Variants in PCDHA2 observed in about 807,000 individuals in gnomAD.
The protein encoded by PCDHA2 is protocadherin alpha 2, also known as protocadherin alpha-2.
Under a neutral mutation model 66.0 loss-of-function variants are expected in PCDHA2, and 58 were observed. That is an observed-to-expected ratio of 0.88 (90% CI 0.71 to 1.09). PCDHA2 has a LOEUF of 1.09. Ranked by LOEUF, PCDHA2 falls within the 50% of genes least tolerant of loss-of-function variation. PCDHA2 has a pLI of 0.00. For synonymous variants in PCDHA2, 634 were observed against 554.0 expected (o/e 1.14, Z -2.03); for missense variants, 1,267 against 1,242.3 (o/e 1.02, Z -0.30).
intron 1 of PCDHA2, among the ~76,000 whole-genome samples, chr5:140,873,067 TATC>T (rs2054071448): frequency 1.3e-5 from 2 of 152,218 alleles, no homozygotes; most frequent in Admixed American, 1.3e-4. Flanking sequence ...TTGAGAATCA[TATC>T]TAGCTATTTC....
chr5:140,805,477 G>C, intron 1 of PCDHA2: 1 of 999,064 alleles, frequency 1.0e-6, no homozygotes, highest in Non-Finnish European at 1.2e-6. Context: ...CTTCAATAGA[G>C]AGGGAGCGTA....
intron 1 of PCDHA2, chr5:140,884,310 G>C (rs1562802595): frequency 1.2e-6 from 2 of 1,613,792 alleles, no homozygotes; most frequent in African/African-American, 2.7e-5. Context: ...GCTTCGTCGA[G>C]GGCGTCGGCA....
At chr5:140,913,092 C>T (rs1293188459) in intron 1 of PCDHA2, among the ~76,000 whole-genome samples, 1 of 152,134 alleles carries the variant, frequency 6.6e-6, no homozygotes, top group Non-Finnish European at 1.5e-5. Flanking sequence ...CAGGATAATA[C>T]TGGCCTCATA....
rs377370256 is a variant in PCDHA2 at position 140,966,811 on chromosome 5, G to A, written c.2389-12138G>A. On this transcript the variant is annotated intron_variant, in intron 1 of 3. Transcript: ENST00000526136. ...GACCTGCGGCGACAGAGCATCCACGGCTCCGGCGGCCCATGCCCTGGCTGC... is the reference window on the plus strand; with the variant it reads ...GACCTGCGGCGACAGAGCATCCACGACTCCGGCGGCCCATGCCCTGGCTGC... The A allele has an allele frequency of 1.4e-5, 21 of 1,549,722 alleles. No individual in the cohort carries two copies. The African/African-American group carries it at 2.6e-4, about 19-fold the overall frequency.
At chr5:140,868,231 T>C in intron 1 of PCDHA2, 1 of 152,170 alleles carries the variant, frequency 6.6e-6, no homozygotes, top group East Asian at 1.9e-4. Flanking sequence ...TAAAAACTCA[T>C]CTAGATCAAT....
Position 140,978,781 on chromosome 5 carries a change from A to C in PCDHA2, c.2389-168A>C, listed in dbSNP as rs4461687. ...GACCCTGATGAACTAATTTTCTTCT[A>C]AAGTGCTATATATGTAGATATCATC... On this transcript the variant is annotated intron_variant, in intron 1 of 3. Coordinates refer to ENST00000526136, the MANE Select transcript of PCDHA2 (RefSeq NM_018905.3). 2,731 of 969,880 alleles carry C rather than the reference A, an allele frequency of 2.8e-3. 24 individuals carry two copies. The East Asian group carries it at 0.042, about 15-fold the overall frequency. The allele number at this position is 969,880 out of a possible 1,614,324, so 60.1% of individuals were successfully genotyped here.
At chr5:140,809,691 T>A in intron 1 of PCDHA2, 1 of 1,253,736 alleles carries the variant, frequency 8.0e-7, no homozygotes, top group Non-Finnish European at 1.1e-6. Flanking sequence ...TTTTTACATA[T>A]CCATTTTAAC....
At position 140,836,922 on chromosome 5, in the gene PCDHA2, A is replaced by T; in HGVS notation, c.2388+39570A>T. On this transcript the variant is annotated intron_variant, in intron 1 of 3. Coordinates refer to ENST00000526136, the MANE Select transcript of PCDHA2 (RefSeq NM_018905.3). ...GTTTAATATACACTTTTGTTTTGGGATGCGTAATACTATAGATCAAAATCT... is the reference window on the plus strand; with the variant it reads ...GTTTAATATACACTTTTGTTTTGGGTTGCGTAATACTATAGATCAAAATCT... The T allele has an allele frequency of 5.6e-6, 3 of 537,660 alleles. No homozygotes were observed. In the South Asian group the frequency reaches 9.2e-5, roughly 16 times the overall value. 33.3% of individuals were successfully genotyped at this position (537,660 alleles called of 1,614,324 possible). A position where few individuals can be genotyped will look rare whatever the true frequency, so the allele number is the denominator to read the frequency against.
At chr5:140,913,934 G>C (rs1554196103) in intron 1 of PCDHA2, among the ~76,000 whole-genome samples, 1 of 152,102 alleles carries the variant, frequency 6.6e-6, no homozygotes, top group African/African-American at 2.4e-5. Context: ...TGTGGTCAGA[G>C]AAGAATCTTG....
rs1298083559 is a variant in PCDHA2, at chr5:140,858,734, T to C, written c.2388+61382T>C. ...ATAGGTTGCAGTTCTGACGATTTAC[T>C]TTCATAATCACTTTTCGTTACAAAT... On this transcript the variant is annotated intron_variant, in intron 1 of 3. Coordinates refer to ENST00000526136, the MANE Select transcript of PCDHA2 (RefSeq NM_018905.3). The C allele has an allele frequency of 1.7e-5, 8 of 476,746 alleles. 1 individual carries two copies. Among genetic ancestry groups the C allele is most frequent in the East Asian group, 3.2e-5 (1 of 30,834 alleles). 29.5% of individuals were successfully genotyped at this position (476,746 alleles called of 1,614,324 possible).
intron 1 of PCDHA2, among the ~76,000 whole-genome samples, chr5:140,890,818 A>G (rs1170693390): frequency 1.3e-5 from 2 of 152,204 alleles, no homozygotes; most frequent in African/African-American, 4.8e-5. Flanking sequence ...ATTGTTTTAA[A>G]TGTACTTACA....
At chr5:140,875,504 C>G (rs1554167711) in intron 1 of PCDHA2, 2 of 1,613,462 alleles carry the variant, frequency 1.2e-6, no homozygotes, top group African/African-American at 2.7e-5. Context: ...GGCCCGGGAT[C>G]CCAGCGTCTG....
At chr5:140,830,144 GGCGC>G (rs1770849922) in intron 1 of PCDHA2, 1 of 1,613,236 alleles carries the variant, frequency 6.2e-7, no homozygotes, top group East Asian at 2.2e-5. Context: ...GGCGTCGGTG[GGCGC>G]CGCGGGCCCA....
At position 140,809,418 on chromosome 5, in the gene PCDHA2, C is replaced by T. The variant is rs1554125201; in HGVS notation, c.2388+12066C>T. Reference sequence around the variant, plus strand: ...AAGCCCACGCTGGTGTGCTCCAGTGCGGTGGGGAGCTGGTCATACTCGCAG... The same window carrying T: ...AAGCCCACGCTGGTGTGCTCCAGTGTGGTGGGGAGCTGGTCATACTCGCAG... On this transcript the variant is annotated intron_variant, in intron 1 of 3. Coordinates refer to ENST00000526136, the MANE Select transcript of PCDHA2 (RefSeq NM_018905.3). The T allele has an allele frequency of 1.9e-6, 3 of 1,614,188 alleles. No homozygotes were observed. Among genetic ancestry groups the T allele is most frequent in the Non-Finnish European group, 2.5e-6 (3 of 1,180,014 alleles).
intron 1 of PCDHA2, chr5:140,884,170 G>A (rs1333457358): frequency 1.4e-5 from 23 of 1,613,294 alleles, no homozygotes; most frequent in Non-Finnish European, 1.9e-5. Flanking sequence ...TCAGCACGAC[G>A]CGCCCTCTGG....
At chr5:140,870,135 T>C (rs781798788) in intron 1 of PCDHA2, 1 of 1,614,000 alleles carries the variant, frequency 6.2e-7, no homozygotes, top group Non-Finnish European at 8.5e-7. Context: ...ACACCAACGA[T>C]AACTCTCCTG....
rs1380123980 is a variant in PCDHA2 at position 140,841,792 on chromosome 5, G to T, written c.2388+44440G>T. On this transcript the variant is annotated intron_variant, in intron 1 of 3. Coordinates refer to ENST00000526136, the MANE Select transcript of PCDHA2 (RefSeq NM_018905.3). ...ACTCTCGGTTTCCGCTAGAGGGCGCGTCCGATGCAGATGTTGGAGCTAACT... is the reference window on the plus strand; with the variant it reads ...ACTCTCGGTTTCCGCTAGAGGGCGCTTCCGATGCAGATGTTGGAGCTAACT... 5.6e-6 allele frequency: 9 copies of T among 1,613,798 alleles called. No homozygotes were observed. The South Asian group carries it at 7.7e-5, about 14-fold the overall frequency.
intron 1 of PCDHA2, chr5:140,821,942 C>T (rs2150112175): frequency 1.9e-6 from 3 of 1,614,132 alleles, no homozygotes; most frequent in Admixed American, 1.7e-5. Flanking sequence ...CTGGAGCTGG[C>T]GGAGCTGGTG....
In PCDHA2 at chr5:140,836,794, C is replaced by G. The variant is rs2150270032; in HGVS notation, c.2388+39442C>G. 3.6e-6 allele frequency: 5 copies of G among 1,396,752 alleles called. 1 individual carries two copies. The East Asian group carries it at 9.2e-5, about 26-fold the overall frequency. The allele number at this position is 1,396,752 out of a possible 1,614,324, so 86.5% of individuals were successfully genotyped here. ...TTTTAAAACAATTAGTTCAATTGGT[C>G]TCCTTAAATTTTCTTTCATAATTTC... is the stretch of plus-strand genomic sequence containing the variant. On this transcript the variant is annotated intron_variant, in intron 1 of 3. Coordinates refer to ENST00000526136, the MANE Select transcript of PCDHA2 (RefSeq NM_018905.3).
Sources: allele counts gnomAD v4.1 joint callset (sites outside exome capture counted in the v4.1 genomes callset), GRCh38; gene constraint gnomAD v4.1.1; transcripts MANE v1.5; gene names NCBI Gene and HGNC (gene_info 2026-07-23, HGNC 2026-07-21).